SLFN11: variants seen among roughly 807,000 people sequenced by gnomAD.
SLFN11 encodes schlafen family member 11.
A neutral mutation model predicts 53.4 loss-of-function variants in SLFN11; 43 were observed. The observed-to-expected ratio is 0.80, with a 90% CI of 0.63 to 1.04. The LOEUF is 1.04. SLFN11 is among the 50% of genes least tolerant of loss of function. The probability of loss-of-function intolerance (pLI) is 0.00; values close to 1 mark genes in which losing one functional copy is unlikely to be tolerated. For synonymous variants in SLFN11, 389 were observed against 394.7 expected, an observed-to-expected ratio of 0.99 and a Z score of 0.17; for missense variants, 990 against 1,079.1, an observed-to-expected ratio of 0.92 and a Z score of 1.16.
chr17:35,371,085 G>A (rs1909591262), intron 1 of SLFN11, among the ~76,000 whole-genome samples: 1 of 151,992 alleles, frequency 6.6e-6, no homozygotes. Context: ...CAGAGCTACA[G>A]GAACCAAAAT....
intron 3 of SLFN11, among the ~76,000 whole-genome samples, chr17:35,366,026 C>T (rs1908913685): frequency 6.6e-6 from 1 of 152,032 alleles, no homozygotes; most frequent in South Asian, 2.1e-4. Context: ...GTGGGTGGGA[C>T]ATAAATTTTT....
chr17:35,367,980 G>A (rs1909179635), intron 1 of SLFN11, among the ~76,000 whole-genome samples: 1 of 152,082 alleles, frequency 6.6e-6, no homozygotes. Flanking sequence ...GGGGCTCAGT[G>A]GGTAGCATCT....
Position 35,360,324 on chromosome 17 carries a change from T to C in SLFN11, c.1117A>G (p.Ser373Gly). 2 of 1,610,366 alleles carry C rather than the reference T, an allele frequency of 1.2e-6. No individual in the cohort carries two copies. The highest frequency in any genetic ancestry group is 1.7e-6 in the Non-Finnish European group (2 of 1,178,818). Residue 373 changes from serine to glycine, a missense_variant, in exon 5 of 7, where the codon AGT becomes GGT. This residue lies in a region of SLFN11 where 521 missense variants were observed against 516.2 expected (regional missense o/e 1.01). Transcript: ENST00000685675. Reference protein sequence around the residue: ...EDFECQLSLSSGPPLSRPVYS... With the variant: ...EDFECQLSLSGGPPLSRPVYS... ...ACTGGTCTGCTAAGGGGAGGCCCAC[T>C]AGATAGACTCAGCTGACATTCAAAA...
Position 35,363,141 on chromosome 17 carries a change from A to G in SLFN11, c.667T>C (p.Phe223Leu). 1 of 1,613,814 alleles carries G rather than the reference A, an allele frequency of 6.2e-7. No homozygotes were observed. Among genetic ancestry groups the G allele is most frequent in the Non-Finnish European group, 8.5e-7 (1 of 1,179,942 alleles). The change falls in exon 4 of 7, where the codon TTC becomes CTC. Residue 223 changes from phenylalanine to leucine, a missense_variant. Physicochemically the swap from Phe to Leu is conservative, Grantham distance 22. Around this residue, in one of 3 missense-constraint regions of SLFN11, gnomAD observed 521 missense variants for 516.2 expected, o/e 1.01. Transcript: ENST00000685675. Reference sequence around the variant, plus strand: ...ATTGTCCTTTTTACATATTCTTGGAAGTGTTTTGTAGAGAACTGTTTAAAC... The same window carrying G: ...ATTGTCCTTTTTACATATTCTTGGAGGTGTTTTGTAGAGAACTGTTTAAAC... Reference protein sequence around the residue: ...VEFKQFSTKHFQEYVKRTIPE... With the variant: ...VEFKQFSTKHLQEYVKRTIPE...
chr17:35,353,135 T>C lies in SLFN11; in HGVS notation c.1927A>G (p.Arg643Gly), dbSNP rs776928711. 10 of 1,610,148 alleles carry C rather than the reference T, an allele frequency of 6.2e-6. No individual in the cohort carries two copies. The East Asian group carries it at 2.0e-4, about 32-fold the overall frequency. The change falls in exon 7 of 7, where the codon AGA (arginine) becomes GGA (glycine). Residue 643 changes from arginine (R) to glycine (G), a missense_variant. Around this residue, in one of 3 missense-constraint regions of SLFN11, gnomAD observed 313 missense variants for 320.9 expected, o/e 0.98. Coordinates refer to ENST00000685675, the MANE Select transcript of SLFN11 (RefSeq NM_001376007.1). Reference protein sequence around the residue: ...NQPLRNFISDRNICRAETRKT... With the variant: ...NQPLRNFISDGNICRAETRKT... ...CGGGTCTCTGCTCGGCAGATATTTC[T>C]ATCACTGTAAAAATTAAAAGAACAC...
intron 3 of SLFN11, among the ~76,000 whole-genome samples, chr17:35,366,069 T>C (rs1908917807): frequency 6.6e-6 from 1 of 152,128 alleles, no homozygotes; most frequent in African/African-American, 2.4e-5. Flanking sequence ...TCTGGAATTC[T>C]GAATTATTAC....
Position 35,353,966 on chromosome 17 carries a change from A to G in SLFN11, c.1292T>C (p.Met431Thr), listed in dbSNP as rs1007244989. The G allele has an allele frequency of 2.5e-6, 4 of 1,613,900 alleles. No individual in the cohort carries two copies. Among genetic ancestry groups the G allele is most frequent in the Non-Finnish European group, 3.4e-6 (4 of 1,180,016 alleles). The change falls in exon 6 of 7, where the codon ATG (methionine) becomes ACG (threonine). Residue 431 changes from methionine (M) to threonine (T), a missense_variant. This residue lies in a region of SLFN11 where 521 missense variants were observed against 516.2 expected (regional missense o/e 1.01). Coordinates refer to ENST00000685675, the MANE Select transcript of SLFN11 (RefSeq NM_001376007.1). ...CAAAATTCCCCGAAAGAAAGGTTGC[A>G]TTTGCTTATTTATTAACTCCTCTAG... ...RGLEELINKQ[M>T]QPFFRGILIF...
rs559257125 is a variant in SLFN11 at position 35,363,034 on chromosome 17, C to A, written c.774G>T (p.Leu258=). 1 of 1,613,906 alleles carries A rather than the reference C, an allele frequency of 6.2e-7. No homozygotes were observed. The highest frequency in any genetic ancestry group is 8.5e-7 in the Non-Finnish European group (1 of 1,179,988). Residue 258 remains leucine (L), a synonymous_variant, in exon 4 of 7, where the codon CTG becomes CTT. Coordinates refer to ENST00000685675, the MANE Select transcript of SLFN11 (RefSeq NM_001376007.1). ...IGVDDKSREV[L]GCAKENVDPD... ...GGTCAACATTTTCTTTTGCACATCCCAGGACTTCCCTACTCTTATCATCCA... is the reference window on the plus strand; with the variant it reads ...GGTCAACATTTTCTTTTGCACATCCAAGGACTTCCCTACTCTTATCATCCA...
Position 35,360,389 on chromosome 17 carries a change from A to G in SLFN11, c.1070-18T>C. On this transcript the variant is annotated intron_variant, in intron 4 of 6. Coordinates refer to ENST00000685675, the MANE Select transcript of SLFN11 (RefSeq NM_001376007.1). ...TAGAAGATCTTAAGAAAGAAAATTC[A>G]TGTTATTCTGACGTGTTAATCTCTT... is the stretch of plus-strand genomic sequence containing the variant. The G allele has an allele frequency of 6.3e-7, 1 of 1,593,564 alleles. No individual in the cohort carries two copies. Among genetic ancestry groups the G allele is most frequent in the South Asian group, 1.2e-5 (1 of 86,848 alleles).
At position 35,353,951 on chromosome 17, in the gene SLFN11, C is replaced by T. The variant is rs146126445; in HGVS notation, c.1307G>A (p.Arg436Gln). 1.7e-5 allele frequency: 28 copies of T among 1,613,942 alleles called. No homozygotes were observed. Among genetic ancestry groups the T allele is most frequent in the Admixed American group, 3.3e-5 (2 of 60,006 alleles). ...ACTTCTAGAGAAGATCAAAATTCCC[C>T]GAAAGAAAGGTTGCATTTGCTTATT... ...LINKQMQPFF[R>Q]GILIFSRSWA... Residue 436 changes from arginine to glutamine, a missense_variant, in exon 6 of 7, where the codon CGG (arginine) becomes CAG (glutamine). Arg to Gln is a conservative substitution (Grantham distance 43, BLOSUM62 1). This residue lies in a region of SLFN11 where 521 missense variants were observed against 516.2 expected (regional missense o/e 1.01). Transcript: ENST00000685675.
Position 35,357,848 on chromosome 17 carries a change from A to T in SLFN11, c.1198+2395T>A, listed in dbSNP as rs543996209. ...AAATAAATAATAAAATTAAAAATAT[A>T]TAATTATTTATATAATATATATTTT... is the stretch of plus-strand genomic sequence containing the variant. On this transcript the variant is annotated intron_variant, in intron 5 of 6. Coordinates refer to ENST00000685675, the MANE Select transcript of SLFN11 (RefSeq NM_001376007.1). 1.4e-3 allele frequency among the ~76,000 whole-genome samples: 204 copies of T among 145,412 alleles called. 1 individual carries two copies. The highest frequency in any genetic ancestry group is 4.9e-3 in the African/African-American group (198 of 40,382).
chr17:35,369,846 G>T (rs1261793702), intron 1 of SLFN11, among the ~76,000 whole-genome samples: 1 of 151,966 alleles, frequency 6.6e-6, no homozygotes, highest in Non-Finnish European at 1.5e-5. Context: ...AAACCAATAA[G>T]AAGTAATGAG....
At position 35,363,505 on chromosome 17, in the gene SLFN11, C is replaced by G. The variant is rs201236984; in HGVS notation, c.303G>C (p.Arg101Ser). The stretch of plus-strand genomic sequence containing the variant: ...AAGATTTAACAAAAATGTAAAAACA[C>G]CTTCCTTGTTGCTTGGTCTCAAAGA... ...QAFFETKQQG[R>S]CFYIFVKSWS... The change falls in exon 4 of 7, where the codon AGG becomes AGC. Residue 101 changes from arginine to serine, a missense_variant. This residue lies in a region of SLFN11 where 521 missense variants were observed against 516.2 expected (regional missense o/e 1.01). Coordinates refer to ENST00000685675, the MANE Select transcript of SLFN11 (RefSeq NM_001376007.1). 1 of 1,614,026 alleles carries G rather than the reference C, an allele frequency of 6.2e-7. No individual in the cohort carries two copies.
chr17:35,361,769 G>C (rs768987542), intron 4 of SLFN11, among the ~76,000 whole-genome samples: 3 of 151,490 alleles, frequency 2.0e-5, no homozygotes, highest in African/African-American at 4.8e-5. Context: ...TTTTGAGACA[G>C]AGTCTCGCTC....
intron 5 of SLFN11, among the ~76,000 whole-genome samples, chr17:35,359,101 CAA>C (rs917659016): frequency 5.2e-4 from 79 of 152,122 alleles, no homozygotes; most frequent in Middle Eastern, 3.4e-3. Context: ...GCCTATTTTT[CAA>C]AAGTTTGGTA....
Position 35,363,657 on chromosome 17 carries a change from A to G in SLFN11, c.151T>C (p.Cys51Arg). The G allele has an allele frequency of 6.2e-7, 1 of 1,613,866 alleles. No individual in the cohort carries two copies. The highest frequency in any genetic ancestry group is 8.5e-7 in the Non-Finnish European group (1 of 1,179,942). The change falls in exon 4 of 7, where the codon TGT becomes CGT. Residue 51 changes from cysteine (C) to arginine (R), a missense_variant. Cys to Arg is a radical substitution (Grantham distance 180, BLOSUM62 -3). This residue lies in a region of SLFN11 where 521 missense variants were observed against 516.2 expected (regional missense o/e 1.01). Coordinates refer to ENST00000685675, the MANE Select transcript of SLFN11 (RefSeq NM_001376007.1). ...CCTCCTCCTGAGTTTAATAAAGCACATGCAGCCCGCATAACTCTCTCCTTC... is the reference window on the plus strand; with the variant it reads ...CCTCCTCCTGAGTTTAATAAAGCACGTGCAGCCCGCATAACTCTCTCCTTC... ...QEKERVMRAACALLNSGGGVI... is the reference protein window; with the variant it reads ...QEKERVMRAARALLNSGGGVI...
rs553920615 is a variant in SLFN11 at position 35,368,324 on chromosome 17, C to T, written c.-234-624G>A. On this transcript the variant is annotated intron_variant, in intron 1 of 6. Transcript: ENST00000685675. ...CATGTGGTGCAGAGAAATCTGTGTGCTTGGGGAAGGGAGGGCACAGCAATT... is the reference window on the plus strand; with the variant it reads ...CATGTGGTGCAGAGAAATCTGTGTGTTTGGGGAAGGGAGGGCACAGCAATT... Among the ~76,000 whole-genome samples, 3 of 152,130 alleles carry T rather than the reference C, an allele frequency of 2.0e-5. No homozygotes were observed. In the South Asian group the frequency reaches 6.2e-4, roughly 32 times the overall value.
Position 35,351,937 on chromosome 17 carries a change from C to A in SLFN11, c.*419G>T. ...TACGGCCAGTAAGCTCCTAACAGACCATGCTTCTGCAGAAAACGATTCTGG... is the reference window on the plus strand; with the variant it reads ...TACGGCCAGTAAGCTCCTAACAGACAATGCTTCTGCAGAAAACGATTCTGG... On this transcript the variant is annotated 3_prime_UTR_variant, in exon 7 of 7. Transcript: ENST00000685675. 5.7e-6 allele frequency: 1 copy of A among 176,972 alleles called. No homozygotes were observed. The highest frequency in any genetic ancestry group is 1.2e-5 in the Non-Finnish European group (1 of 83,372). 11.0% of individuals were successfully genotyped at this position (176,972 alleles called of 1,614,324 possible). A position where few individuals can be genotyped will look rare whatever the true frequency, so the allele number is the denominator to read the frequency against.
chr17:35,359,447 A>G (rs1567820867), intron 5 of SLFN11, among the ~76,000 whole-genome samples: 2 of 152,166 alleles, frequency 1.3e-5, no homozygotes, highest in African/African-American at 2.4e-5. Context: ...TAGGACATTT[A>G]TGTATCAATT....
Sources: allele counts gnomAD v4.1 joint callset (sites outside exome capture counted in the v4.1 genomes callset), GRCh38; gene constraint gnomAD v4.1.1; regional missense constraint gnomAD v4.1.1; transcripts MANE v1.5; gene names NCBI Gene and HGNC (gene_info 2026-07-23, HGNC 2026-07-21).